GLIPR1: variants seen among roughly 807,000 people sequenced by gnomAD.
GLIPR1 encodes GLI pathogenesis related 1, also known as glioma pathogenesis-related protein 1.
In GLIPR1, 38 loss-of-function variants were observed where a neutral mutation model predicts 30.3. The observed-to-expected ratio is 1.26, with a 90% CI of 0.97 to 1.65. The LOEUF (loss-of-function observed/expected upper bound fraction) is 1.65, where lower values mean the gene tolerates loss of function less well. GLIPR1 is among the 40% of genes most tolerant of loss of function. The pLI is 0.00. For missense variants in GLIPR1, 285 were observed against 326.5 expected (o/e 0.87, Z 0.98); for synonymous variants, 122 against 110.6 (o/e 1.10, Z -0.65).
intron 2 of GLIPR1, chr12:75,487,690 G>C: frequency 2.2e-6 from 1 of 449,326 alleles, no homozygotes; most frequent in South Asian, 1.6e-5. Context: ...GAGAAGCTGA[G>C]ACTCCAACCT....
chr12:75,485,053 C>A (rs2046287294), intron 2 of GLIPR1, among the ~76,000 whole-genome samples: 1 of 152,136 alleles, frequency 6.6e-6, no homozygotes, highest in Non-Finnish European at 1.5e-5. Context: ...AGAAATCTTC[C>A]TGGGGGACTC....
intron 1 of GLIPR1, chr12:75,481,558 G>C (rs531558447): frequency 4.8e-6 from 2 of 417,196 alleles, no homozygotes; most frequent in Admixed American, 3.9e-5. Context: ...TTGTGGTTAT[G>C]GAATAATGTT....
intron 3 of GLIPR1, chr12:75,493,079 C>T (rs2046332250): frequency 6.6e-6 from 1 of 152,126 alleles, no homozygotes; most frequent in Non-Finnish European, 1.5e-5. Context: ...CTGGTGCCCT[C>T]GGTCTGCTAA....
intron 2 of GLIPR1, among the ~76,000 whole-genome samples, chr12:75,485,533 T>TTTTTTTTATTTA (rs1555239139): frequency 9.1e-6 from 1 of 110,428 alleles, no homozygotes. Context: ...GACAGCTTTA[T>TTTTTTTTATTTA]TTTATTTATT....
chr12:75,501,751 C>T lies in GLIPR1; in HGVS notation c.*2773C>T. ...CCTTAGGTTTCACAATTGGTTTTTC[C>T]TTAGGTGGAATAAATGCTTTGTTTC... On this transcript the variant is annotated 3_prime_UTR_variant, in exon 6 of 6. Transcript: ENST00000266659. 1 of 1,610,440 alleles carries T rather than the reference C, an allele frequency of 6.2e-7. No homozygotes were observed. Among genetic ancestry groups the T allele is most frequent in the Non-Finnish European group, 8.5e-7 (1 of 1,177,896 alleles).
rs2046384637 is a variant in GLIPR1, at chr12:75,500,482, T to C, written c.*1504T>C. The C allele has an allele frequency of 9.5e-6, 1 of 105,770 alleles. No individual in the cohort carries two copies. Among genetic ancestry groups the C allele is most frequent in the African/African-American group, 2.6e-5 (1 of 37,836 alleles). 6.6% of individuals were successfully genotyped at this position (105,770 alleles called of 1,614,324 possible). ...AAATATTAATTCAATATTAATTGAATATTCAATGAATTAATTCATTTAATG... is the reference window on the plus strand; with the variant it reads ...AAATATTAATTCAATATTAATTGAACATTCAATGAATTAATTCATTTAATG... On this transcript the variant is annotated 3_prime_UTR_variant, in exon 6 of 6. Coordinates refer to ENST00000266659, the MANE Select transcript of GLIPR1 (RefSeq NM_006851.3).
rs1400779864 is a variant in GLIPR1 at position 75,501,687 on chromosome 12, A to G, written c.*2709A>G. On this transcript the variant is annotated 3_prime_UTR_variant, in exon 6 of 6. Transcript: ENST00000266659. ...AATTTATTATGGGTTTACTTTTCCTAATTAATAAAGACTTTTACATCATAG... is the reference window on the plus strand; with the variant it reads ...AATTTATTATGGGTTTACTTTTCCTGATTAATAAAGACTTTTACATCATAG... The G allele has an allele frequency of 7.4e-7, 1 of 1,353,506 alleles. No homozygotes were observed. The highest frequency in any genetic ancestry group is 1.0e-6 in the Non-Finnish European group (1 of 962,136). 83.8% of individuals were successfully genotyped at this position (1,353,506 alleles called of 1,614,324 possible). A position where few individuals can be genotyped will look rare whatever the true frequency, so the allele number is the denominator to read the frequency against.
At chr12:75,485,475 T>C (rs1028167745) in intron 2 of GLIPR1, among the ~76,000 whole-genome samples, 42 of 152,138 alleles carry the variant, frequency 2.8e-4, no homozygotes, top group African/African-American at 7.2e-5. Context: ...ATGGCGCTAC[T>C]GATCTTATTT....
In GLIPR1 at chr12:75,501,776, C is replaced by A. The variant is rs758729953; in HGVS notation, c.*2798C>A. On this transcript the variant is annotated 3_prime_UTR_variant, in exon 6 of 6. Coordinates refer to ENST00000266659, the MANE Select transcript of GLIPR1 (RefSeq NM_006851.3). Reference sequence around the variant, plus strand: ...CTTAGGTGGAATAAATGCTTTGTTTCTTTCCTCTTGTCTCTTACTGATGGC... The same window carrying A: ...CTTAGGTGGAATAAATGCTTTGTTTATTTCCTCTTGTCTCTTACTGATGGC... 8 of 1,610,956 alleles carry A rather than the reference C, an allele frequency of 5.0e-6. No individual in the cohort carries two copies. The South Asian group carries it at 8.8e-5, about 18-fold the overall frequency.
chr12:75,499,932 A>C lies in GLIPR1; in HGVS notation c.*954A>C, dbSNP rs1200492532. On this transcript the variant is annotated 3_prime_UTR_variant, in exon 6 of 6. Transcript: ENST00000266659. ...CCTTTTCCTTGATGCTGGCCACATC[A>C]ATTTTAGTTTCAGTAGAAGCTAGAC... is the stretch of plus-strand genomic sequence containing the variant. The C allele has an allele frequency of 7.5e-6, 12 of 1,602,854 alleles. No individual in the cohort carries two copies. Among genetic ancestry groups the C allele is most frequent in the Non-Finnish European group, 1.0e-5 (12 of 1,176,082 alleles).
At position 75,501,677 on chromosome 12, in the gene GLIPR1, T is replaced by G; in HGVS notation, c.*2699T>G. 8.0e-7 allele frequency: 1 copy of G among 1,243,064 alleles called. No homozygotes were observed. The allele number at this position is 1,243,064 out of a possible 1,614,324, so 77.0% of individuals were successfully genotyped here. A position where few individuals can be genotyped will look rare whatever the true frequency, so the allele number is the denominator to read the frequency against. ...GATTCAGACAAATTTATTATGGGTT[T>G]ACTTTTCCTAATTAATAAAGACTTT... On this transcript the variant is annotated 3_prime_UTR_variant, in exon 6 of 6. Coordinates refer to ENST00000266659, the MANE Select transcript of GLIPR1 (RefSeq NM_006851.3).
rs749751352 is a variant in GLIPR1, at chr12:75,498,971, T to C, written c.794T>C (p.Leu265Ser). ...CACAAGTACCCTAATTTAGTTCTTT[T>C]GGACTAATACAATTCAGGAAAGAAA... ...VQHKYPNLVL[L>S]D The change falls in exon 6 of 6, where the codon TTG (leucine) becomes TCG (serine). Residue 265 changes from leucine to serine, a missense_variant. Coordinates refer to ENST00000266659, the MANE Select transcript of GLIPR1 (RefSeq NM_006851.3). The C allele has an allele frequency of 6.3e-7, 1 of 1,589,186 alleles. No individual in the cohort carries two copies. The highest frequency in any genetic ancestry group is 1.4e-5 in the African/African-American group (1 of 73,718).
At chr12:75,494,064 T>C (rs1350432800) in intron 3 of GLIPR1, 10 of 152,226 alleles carry the variant, frequency 6.6e-5, no homozygotes, top group Admixed American at 5.9e-4. Flanking sequence ...ATTTCTACTA[T>C]ATTACCTTTT....
Position 75,503,716 on chromosome 12 carries a change from G to A in GLIPR1, c.*4738G>A. On this transcript the variant is annotated 3_prime_UTR_variant, in exon 6 of 6. Coordinates refer to ENST00000266659, the MANE Select transcript of GLIPR1 (RefSeq NM_006851.3). ...TTATAATCAATGTGAACGCCCCACT[G>A]CACACCCCCATGCACTCAGCTCAAA... 2.2e-6 allele frequency: 1 copy of A among 444,762 alleles called. No individual in the cohort carries two copies. The highest frequency in any genetic ancestry group is 3.9e-6 in the Non-Finnish European group (1 of 253,542). 27.6% of individuals were successfully genotyped at this position (444,762 alleles called of 1,614,324 possible).
Position 75,502,333 on chromosome 12 carries a change from A to G in GLIPR1, c.*3355A>G, listed in dbSNP as rs182227676. The G allele has an allele frequency of 9.8e-5, 19 of 193,594 alleles. No homozygotes were observed. The highest frequency in any genetic ancestry group is 2.3e-4 in the Admixed American group (4 of 17,580). 12.0% of individuals were successfully genotyped at this position (193,594 alleles called of 1,614,324 possible). On this transcript the variant is annotated 3_prime_UTR_variant, in exon 6 of 6. Transcript: ENST00000266659. ...CAATGGCAGACAAAGTAGGAGGGAT[A>G]AGATTTAGAAATGACTGTAGGTTTC...
At chr12:75,492,871 T>G (rs909504106) in intron 3 of GLIPR1, 1 of 152,162 alleles carries the variant, frequency 6.6e-6, no homozygotes, top group African/African-American at 2.4e-5. Context: ...GAACTATAAA[T>G]AATACTGTAA....
At chr12:75,496,580 C>A (rs557376203) in intron 4 of GLIPR1, 2 of 152,002 alleles carry the variant, frequency 1.3e-5, no homozygotes, top group African/African-American at 4.8e-5. Context: ...TGTTTTTTTA[C>A]CATGGTGTGA....
Position 75,498,732 on chromosome 12 carries a change from A to AATCT in GLIPR1, c.646+13_646+16dup. On this transcript the variant is annotated intron_variant, in intron 5 of 5. Transcript: ENST00000266659. ...AGACCAAGTCAAACGTACGTACATC[A>AATCT]ATCTTAAATTGTTTCATTAAGAGCT... 6.2e-7 allele frequency: 1 copy of AATCT among 1,611,610 alleles called. No individual in the cohort carries two copies. Among genetic ancestry groups the AATCT allele is most frequent in the Non-Finnish European group, 8.5e-7 (1 of 1,178,070 alleles).
At chr12:75,486,211 G>A (rs1478698149) in intron 2 of GLIPR1, among the ~76,000 whole-genome samples, 1 of 152,164 alleles carries the variant, frequency 6.6e-6, no homozygotes, top group Non-Finnish European at 1.5e-5. Context: ...GATGTCACAT[G>A]TAAAATGCTT....
Sources: gnomAD v4.1 joint callset for allele counts (sites outside exome capture counted in the v4.1 genomes callset) on GRCh38, gnomAD v4.1.1 for gene constraint, MANE v1.5 for transcripts, NCBI Gene and HGNC (gene_info 2026-07-23, HGNC 2026-07-21) for gene names.